XYLT1: variants seen among roughly 807,000 people sequenced by gnomAD.
XYLT1 encodes beta-D-xylosyltransferase 1.
Under a neutral mutation model 91.3 loss-of-function variants are expected in XYLT1, and 36 were observed. The observed-to-expected ratio is 0.39, with a 90% CI of 0.30 to 0.52. The LOEUF (loss-of-function observed/expected upper bound fraction) is 0.52. XYLT1 is among the 20% of genes least tolerant of loss of function. The pLI is 0.68. For missense variants in XYLT1, 1,242 were observed against 1,284.5 expected (o/e 0.97, Z 0.51); for synonymous variants, 588 against 532.0 (o/e 1.11, Z -1.45).
In XYLT1 at chr16:17,117,818, G is replaced by A. The variant is rs139558627; in HGVS notation, c.2385C>T (p.Tyr795=). ...CGGCAGTGGACTCAATGAGGATGTC[G>A]TAGGTGGCTGCGATGACATTGACGG... ...VDPVNVIAAT[Y]DILIESTAEF... is the part of the protein sequence containing the mutation. The change falls in exon 11 of 12, where the codon TAC becomes TAT. Residue 795 remains tyrosine (Y), a synonymous_variant. Coordinates refer to ENST00000261381, the MANE Select transcript of XYLT1 (RefSeq NM_022166.4). 145 of 1,614,002 alleles carry A rather than the reference G, an allele frequency of 9.0e-5. No homozygotes were observed. Among genetic ancestry groups the A allele is most frequent in the African/African-American group, 1.3e-4 (10 of 74,894 alleles).
intron 10 of XYLT1, among the ~76,000 whole-genome samples, chr16:17,120,942 A>G (rs1345916474): frequency 6.6e-6 from 1 of 151,968 alleles, no homozygotes; most frequent in African/African-American, 2.4e-5. Flanking sequence ...TAATCTGTCA[A>G]CTCTATTGTA....
At chr16:17,394,314 A>T (rs896374890) in intron 1 of XYLT1, among the ~76,000 whole-genome samples, 2 of 152,130 alleles carry the variant, frequency 1.3e-5, no homozygotes, top group South Asian at 4.1e-4. Flanking sequence ...AGCAGCGATC[A>T]CCGTTGCAGT....
At chr16:17,353,738 C>T (rs117755242) in intron 2 of XYLT1, among the ~76,000 whole-genome samples, 23 of 152,218 alleles carry the variant, frequency 1.5e-4, no homozygotes, top group South Asian at 2.1e-4. Flanking sequence ...TATCTATGGA[C>T]GTTGGATTGC....
intron 1 of XYLT1, among the ~76,000 whole-genome samples, chr16:17,405,416 G>A (rs868324377): frequency 3.9e-5 from 6 of 152,116 alleles, no homozygotes; most frequent in Admixed American, 3.3e-4. Flanking sequence ...AGGCCGGAGC[G>A]GCTGACTTTC....
intron 2 of XYLT1, among the ~76,000 whole-genome samples, chr16:17,262,508 T>C (rs2141762348): frequency 6.6e-6 from 1 of 152,300 alleles, no homozygotes; most frequent in Middle Eastern, 3.4e-3. Context: ...CATATTAGCG[T>C]CTGTCGGGAT....
At chr16:17,158,186 A>AT (rs376773302) in intron 6 of XYLT1, among the ~76,000 whole-genome samples, 11 of 152,238 alleles carry the variant, frequency 7.2e-5, no homozygotes, top group East Asian at 1.9e-4. Context: ...CAGAGATGCT[A>AT]TTTTTTTGAC....
At chr16:17,142,209 G>A (rs2030997689) in intron 6 of XYLT1, among the ~76,000 whole-genome samples, 1 of 152,168 alleles carries the variant, frequency 6.6e-6, no homozygotes, top group African/African-American at 2.4e-5. Flanking sequence ...TTTTTTTGTA[G>A]AGACAGGGTC....
intron 1 of XYLT1, among the ~76,000 whole-genome samples, chr16:17,439,226 C>A (rs2036501793): frequency 6.6e-6 from 1 of 152,166 alleles, no homozygotes. Flanking sequence ...GTGGACATGG[C>A]TAGTTGATTG....
chr16:17,318,912 C>G (rs1298500141), intron 2 of XYLT1, among the ~76,000 whole-genome samples: 1 of 151,834 alleles, frequency 6.6e-6, no homozygotes, highest in South Asian at 2.1e-4. Context: ...CTCATCCTCT[C>G]GAGTAGCTGG....
At chr16:17,111,582 T>G (rs919741394) in intron 11 of XYLT1, among the ~76,000 whole-genome samples, 1 of 152,178 alleles carries the variant, frequency 6.6e-6, no homozygotes, top group African/African-American at 2.4e-5. Flanking sequence ...GCCTGGATAT[T>G]AACAAGTGTC....
At chr16:17,162,409 C>CA (rs5815946) in intron 5 of XYLT1, among the ~76,000 whole-genome samples, 30,744 of 138,926 alleles carry the variant, frequency 0.22, 3,812 homozygotes, top group African/African-American at 0.32. Context: ...GACTCTGTCT[C>CA]AAAAAAAAAA....
intron 3 of XYLT1, among the ~76,000 whole-genome samples, chr16:17,256,939 G>A (rs567896892): frequency 3.3e-5 from 5 of 152,304 alleles, no homozygotes; most frequent in South Asian, 2.1e-4. Flanking sequence ...CCTTCCAGCT[G>A]CATCTGTTGA....
intron 3 of XYLT1, among the ~76,000 whole-genome samples, chr16:17,230,644 C>T (rs1383696357): frequency 1.3e-5 from 2 of 152,218 alleles, no homozygotes; most frequent in African/African-American, 4.8e-5. Context: ...ATACCCTGCT[C>T]TTTTGGCAGC....
intron 1 of XYLT1, among the ~76,000 whole-genome samples, chr16:17,376,019 C>G (rs911349853): frequency 9.8e-5 from 15 of 152,358 alleles, no homozygotes; most frequent in East Asian, 9.6e-4. Flanking sequence ...TGTTAATAAA[C>G]CCTGACCTGT....
At chr16:17,456,019 A>G (rs960004916) in intron 1 of XYLT1, among the ~76,000 whole-genome samples, 33 of 152,224 alleles carry the variant, frequency 2.2e-4, no homozygotes, top group Admixed American at 7.2e-4. Flanking sequence ...AATACAAATC[A>G]GCAACTTATC....
chr16:17,389,549 G>C (rs2035789368), intron 1 of XYLT1, among the ~76,000 whole-genome samples: 1 of 152,202 alleles, frequency 6.6e-6, no homozygotes, highest in South Asian at 2.1e-4. Flanking sequence ...GATCTGTTTA[G>C]CCAGCCAGGC....
At chr16:17,332,188 C>T (rs1316282494) in intron 2 of XYLT1, among the ~76,000 whole-genome samples, 1 of 152,212 alleles carries the variant, frequency 6.6e-6, no homozygotes, top group Non-Finnish European at 1.5e-5. Flanking sequence ...AACTGCTGTC[C>T]ATCTGGTCTG....
intron 1 of XYLT1, among the ~76,000 whole-genome samples, chr16:17,416,066 G>A (rs551495369): frequency 4.6e-5 from 7 of 152,188 alleles, no homozygotes; most frequent in Non-Finnish European, 7.3e-5. Context: ...TACCAAGCTC[G>A]GCCCTCCCGA....
chr16:17,348,140 G>T (rs1251787995), intron 2 of XYLT1, among the ~76,000 whole-genome samples: 13 of 152,178 alleles, frequency 8.5e-5, no homozygotes. Flanking sequence ...GGGGTGGAGA[G>T]TGGATCTGGG....
Sources: gnomAD v4.1 joint callset for allele counts (sites outside exome capture counted in the v4.1 genomes callset) on GRCh38, gnomAD v4.1.1 for gene constraint, MANE v1.5 for transcripts, NCBI Gene and HGNC (gene_info 2026-07-23, HGNC 2026-07-21) for gene names.